The following CSMD1 variants were observed in gnomAD, a reference collection of about 807,000 sequenced individuals.
CSMD1 encodes the protein CUB and sushi domain-containing protein 1.
In CSMD1, 213 loss-of-function variants were observed where a neutral mutation model predicts 417.5. The observed-to-expected ratio is 0.51, with a 90% CI of 0.46 to 0.57. The LOEUF is 0.57. Among genes scored for constraint, CSMD1 ranks in the 20% least tolerant of loss-of-function variants. The probability of loss-of-function intolerance (pLI) is 0.00; values close to 1 mark genes in which losing one functional copy is unlikely to be tolerated. For missense variants in CSMD1, 6,923 were observed against 4,529.7 expected, an observed-to-expected ratio of 1.53 and a Z score of -15.17; for synonymous variants, 2,862 against 1,736.8, an observed-to-expected ratio of 1.65 and a Z score of -16.11.
intron 51 of CSMD1, among the ~76,000 whole-genome samples, chr8:3,019,053 G>A (rs1255883530): frequency 1.3e-5 from 2 of 152,082 alleles, no homozygotes; most frequent in African/African-American, 2.4e-5. Context: ...GAGTAGCTGC[G>A]ATTAAAGGCG....
intron 49 of CSMD1, among the ~76,000 whole-genome samples, chr8:3,069,706 T>G (rs1346919037): frequency 6.6e-6 from 1 of 152,074 alleles, no homozygotes; most frequent in Admixed American, 6.5e-5. Context: ...TGCTTGTAGA[T>G]CTACCATTCT....
At chr8:3,798,114 T>G (rs1397778829) in intron 5 of CSMD1, among the ~76,000 whole-genome samples, 1 of 152,030 alleles carries the variant, frequency 6.6e-6, no homozygotes, top group Non-Finnish European at 1.5e-5. Flanking sequence ...TATTATTTAT[T>G]TAGAGGAATT....
intron 1 of CSMD1, among the ~76,000 whole-genome samples, chr8:4,983,690 T>A (rs1056482047): frequency 1.3e-5 from 2 of 150,394 alleles, no homozygotes; most frequent in African/African-American, 4.9e-5. Flanking sequence ...ACCCAGCTAA[T>A]TTTTTTTTTC....
At chr8:3,704,304 C>T (rs900224) in intron 7 of CSMD1, among the ~76,000 whole-genome samples, 144,441 of 152,142 alleles carry the variant, frequency 0.95, 68,621 homozygotes, top group East Asian at 0.99. Flanking sequence ...CTGTTCTTTG[C>T]GTGATTAGCG....
At chr8:4,681,246 C>G (rs892029525) in intron 1 of CSMD1, among the ~76,000 whole-genome samples, 4 of 151,992 alleles carry the variant, frequency 2.6e-5, no homozygotes, top group African/African-American at 9.7e-5. Context: ...CCCTAGATAT[C>G]GATATGAATA....
intron 2 of CSMD1, among the ~76,000 whole-genome samples, chr8:4,463,606 C>T (rs747645713): frequency 6.6e-6 from 1 of 152,124 alleles, no homozygotes; most frequent in Non-Finnish European, 1.5e-5. Context: ...TATTCCACAA[C>T]CTGACAAACC....
chr8:4,142,189 C>G (rs1419919552), intron 3 of CSMD1, among the ~76,000 whole-genome samples: 3 of 151,112 alleles, frequency 2.0e-5, no homozygotes, highest in Non-Finnish European at 4.4e-5. Context: ...TCAAGATAAT[C>G]ACCAGATTAA....
intron 3 of CSMD1, among the ~76,000 whole-genome samples, chr8:4,275,926 T>C (rs926788667): frequency 6.6e-6 from 1 of 152,168 alleles, no homozygotes; most frequent in Non-Finnish European, 1.5e-5. Context: ...TAAATGATAC[T>C]TTGTGTAAAA....
intron 3 of CSMD1, among the ~76,000 whole-genome samples, chr8:4,339,164 T>A (rs538830564): frequency 6.6e-6 from 1 of 152,080 alleles, no homozygotes. Context: ...GAAAATAAAT[T>A]CTTGAGCCAG....
At chr8:3,162,323 T>C in intron 37 of CSMD1, 46 bp from the exon 38 acceptor site, 1 of 1,253,434 alleles carries the variant, frequency 8.0e-7, no homozygotes, top group Non-Finnish European at 1.1e-6. Flanking sequence ...ATGTAAACAA[T>C]ATTCTTATCA....
intron 17 of CSMD1, among the ~76,000 whole-genome samples, chr8:3,391,081 G>A (rs1417773897): frequency 6.6e-6 from 1 of 152,158 alleles, no homozygotes; most frequent in East Asian, 1.9e-4. Context: ...GCATGGGCAT[G>A]TTATATATAC....
intron 3 of CSMD1, among the ~76,000 whole-genome samples, chr8:4,108,099 G>C (rs561147031): frequency 1.6e-4 from 25 of 151,816 alleles, no homozygotes; most frequent in Non-Finnish European, 3.4e-4. Context: ...GAGAGAACAA[G>C]AAAAAGACGG....
intron 3 of CSMD1, among the ~76,000 whole-genome samples, chr8:4,069,872 C>T (rs566430492): frequency 1.3e-4 from 19 of 151,392 alleles, no homozygotes; most frequent in South Asian, 2.1e-4. Flanking sequence ...GGTACTGCAA[C>T]AGTAAGGTGT....
intron 1 of CSMD1, among the ~76,000 whole-genome samples, chr8:4,688,173 TTGTGAG>T (rs1387983716): frequency 6.6e-6 from 1 of 152,210 alleles, no homozygotes; most frequent in African/African-American, 2.4e-5. Flanking sequence ...TAGGAGTTTT[TTGTGAG>T]TGTACGAGAG....
chr8:4,146,484 C>G (rs190248010), intron 3 of CSMD1, among the ~76,000 whole-genome samples: 11 of 150,018 alleles, frequency 7.3e-5, no homozygotes, highest in Non-Finnish European at 1.6e-4. Context: ...AGGCTGTTTA[C>G]CCAGTTCCTC....
intron 3 of CSMD1, among the ~76,000 whole-genome samples, chr8:4,144,275 A>C (rs1803976325): frequency 6.6e-6 from 1 of 150,902 alleles, no homozygotes; most frequent in Non-Finnish European, 1.5e-5. Flanking sequence ...ATTCTGCCTC[A>C]CACTCACCCC....
chr8:3,842,921 C>G (rs1803228092), intron 5 of CSMD1, among the ~76,000 whole-genome samples: 2 of 152,106 alleles, frequency 1.3e-5, no homozygotes, highest in Admixed American at 6.6e-5. Flanking sequence ...TAAAAACGCA[C>G]TGAAGATGTT....
chr8:4,553,508 C>A (rs192986887), intron 2 of CSMD1, among the ~76,000 whole-genome samples: 1 of 149,810 alleles, frequency 6.7e-6, no homozygotes, highest in East Asian at 2.0e-4. Context: ...GGAGAGACTG[C>A]TTAAAAAGAG....
At chr8:3,027,959 C>T (rs536216149) in intron 51 of CSMD1, among the ~76,000 whole-genome samples, 6 of 152,158 alleles carry the variant, frequency 3.9e-5, no homozygotes, top group East Asian at 1.9e-4. Context: ...GAAAATTCTT[C>T]GGGAACGCTG....
Sources: allele counts gnomAD v4.1 joint callset (sites outside exome capture counted in the v4.1 genomes callset), GRCh38; gene constraint gnomAD v4.1.1; transcripts MANE v1.5; gene names NCBI Gene and HGNC (gene_info 2026-07-23, HGNC 2026-07-21).